The following NRG3 variants were observed in gnomAD, a reference collection of about 807,000 sequenced individuals.
NRG3 encodes neuregulin 3.
Under a neutral mutation model 66.9 loss-of-function variants are expected in NRG3, and 31 were observed. The ratio of observed to expected loss-of-function variants is 0.46; its 90% CI spans 0.35 to 0.63. The LOEUF (loss-of-function observed/expected upper bound fraction) is 0.63, where lower values mean the gene tolerates loss of function less well. Among genes scored for constraint, NRG3 ranks in the 20% least tolerant of loss-of-function variants. The pLI is 0.00. For missense variants in NRG3, 910 were observed against 878.9 expected (o/e 1.04, Z -0.45); for synonymous variants, 393 against 359.4 (o/e 1.09, Z -1.06).
Position 82,368,147 on chromosome 10 carries a change from T to G in NRG3, c.953+9279T>G, listed in dbSNP as rs984010654. Among the ~76,000 whole-genome samples the G allele has an allele frequency of 5.6e-5, 6 of 106,310 alleles. 1 individual carries two copies. Among genetic ancestry groups the G allele is most frequent in the Admixed American group, 1.7e-4 (2 of 11,882 alleles). 69.7% of individuals were successfully genotyped at this position (106,310 alleles called of 152,430 possible). A position where few individuals can be genotyped will look rare whatever the true frequency, so the allele number is the denominator to read the frequency against. On this transcript the variant is annotated intron_variant, in intron 2 of 8. Transcript: ENST00000372141. ...ATAGGTAAAGTTGAGATGCCTGGTA[T>G]TGAGTAAACACAGGGAATTTGGGGT...
intron 1 of NRG3, among the ~76,000 whole-genome samples, chr10:82,272,920 A>G (rs952953691): frequency 2.2e-4 from 34 of 152,182 alleles, no homozygotes; most frequent in Middle Eastern, 3.4e-3. Flanking sequence ...GTTTAAGGTT[A>G]TTAATTCGTT....
At chr10:82,790,327 C>A (rs1048857186) in intron 3 of NRG3, among the ~76,000 whole-genome samples, 3 of 151,976 alleles carry the variant, frequency 2.0e-5, no homozygotes, top group African/African-American at 7.2e-5. Context: ...ATAGACATAC[C>A]TTTACTTCTC....
In NRG3 at chr10:82,497,447, A is replaced by G. The variant is rs559134263; in HGVS notation, c.953+138579A>G. On this transcript the variant is annotated intron_variant, in intron 2 of 8. Coordinates refer to ENST00000372141, the MANE Select transcript of NRG3 (RefSeq NM_001010848.4). ...TCTTCAGCTTTTTTAGATTTCACGTATAAGTAAGATCATAAAATATTTGTC... is the reference window on the plus strand; with the variant it reads ...TCTTCAGCTTTTTTAGATTTCACGTGTAAGTAAGATCATAAAATATTTGTC... Among the ~76,000 whole-genome samples the G allele has an allele frequency of 5.9e-5, 9 of 152,282 alleles. No individual in the cohort carries two copies. In the South Asian group the frequency reaches 1.0e-3, roughly 18 times the overall value.
intron 1 of NRG3, among the ~76,000 whole-genome samples, chr10:82,334,223 G>A (rs1445099470): frequency 1.3e-5 from 2 of 151,952 alleles, no homozygotes; most frequent in African/African-American, 4.8e-5. Context: ...GGTCAGGGAT[G>A]TGTAAATAAG....
chr10:82,961,954 C>T (rs774633879), intron 6 of NRG3, among the ~76,000 whole-genome samples: 3 of 152,228 alleles, frequency 2.0e-5, no homozygotes, highest in Non-Finnish European at 4.4e-5. Context: ...CTCATGTTAA[C>T]TACTTGAAAT....
At chr10:81,908,626 AT>A (rs1176373101) in intron 1 of NRG3, among the ~76,000 whole-genome samples, 2 of 152,174 alleles carry the variant, frequency 1.3e-5, no homozygotes, top group Admixed American at 1.3e-4. Context: ...TTGATGTTTC[AT>A]GTTAAACCAC....
At chr10:82,641,165 T>C (rs2050553331) in intron 2 of NRG3, among the ~76,000 whole-genome samples, 1 of 151,836 alleles carries the variant, frequency 6.6e-6, no homozygotes, top group South Asian at 2.1e-4. Context: ...TGTCGTTTTT[T>C]AAGTAATGTA....
At chr10:82,513,469 C>T (rs768349125) in intron 2 of NRG3, among the ~76,000 whole-genome samples, 20 of 152,150 alleles carry the variant, frequency 1.3e-4, no homozygotes, top group Non-Finnish European at 2.5e-4. Flanking sequence ...TGGGTTTATA[C>T]AATAATAGGA....
rs1278241105 is a variant in NRG3 at position 82,760,646 on chromosome 10, T to C, written c.1027+21996T>C. On this transcript the variant is annotated intron_variant, in intron 3 of 8. Transcript: ENST00000372141. ...TGAAATAAAACTATATTATTCTGCATTACAGAGGCTATGGTTTTATCTACT... is the reference window on the plus strand; with the variant it reads ...TGAAATAAAACTATATTATTCTGCACTACAGAGGCTATGGTTTTATCTACT... Among the ~76,000 whole-genome samples the C allele has an allele frequency of 5.9e-5, 9 of 152,140 alleles. No individual in the cohort carries two copies. In the East Asian group the frequency reaches 1.2e-3, roughly 20 times the overall value.
intron 1 of NRG3, among the ~76,000 whole-genome samples, chr10:82,031,097 G>A (rs567542763): frequency 3.9e-5 from 6 of 152,186 alleles, no homozygotes; most frequent in Non-Finnish European, 7.4e-5. Flanking sequence ...TTCATTATCC[G>A]TAAAACATTT....
At chr10:82,693,403 A>G (rs2055103291) in intron 2 of NRG3, among the ~76,000 whole-genome samples, 1 of 152,124 alleles carries the variant, frequency 6.6e-6, no homozygotes, top group East Asian at 1.9e-4. Context: ...TTCCAACAAT[A>G]CTAGATTTTA....
intron 1 of NRG3, among the ~76,000 whole-genome samples, chr10:82,330,681 A>G (rs1209898787): frequency 6.6e-6 from 1 of 152,214 alleles, no homozygotes; most frequent in Non-Finnish European, 1.5e-5. Context: ...AGCGTTTTCC[A>G]TACTGTTTCC....
intron 2 of NRG3, among the ~76,000 whole-genome samples, chr10:82,569,820 T>C (rs1361665562): frequency 6.6e-6 from 1 of 151,628 alleles, no homozygotes; most frequent in East Asian, 1.9e-4. Flanking sequence ...CTCATATGAG[T>C]GATAAATCCA....
At chr10:82,123,869 A>C (rs2068253066) in intron 1 of NRG3, among the ~76,000 whole-genome samples, 1 of 150,042 alleles carries the variant, frequency 6.7e-6, no homozygotes, top group Non-Finnish European at 1.5e-5. Flanking sequence ...AATTGGCATT[A>C]GTTTCTTCCT....
chr10:82,847,125 C>T (rs2135799854), intron 3 of NRG3, among the ~76,000 whole-genome samples: 1 of 152,330 alleles, frequency 6.6e-6, no homozygotes, highest in Admixed American at 6.5e-5. Context: ...TGCAGGAAGG[C>T]TGCTCTGTCC....
chr10:82,952,471 C>CTCTCTCTCTG, intron 5 of NRG3, among the ~76,000 whole-genome samples: 1 of 98,842 alleles, frequency 1.0e-5, no homozygotes, highest in Non-Finnish European at 1.9e-5. Context: ...CTCTCTCTCT[C>CTCTCTCTCTG]TGTGTGTGTG....
chr10:82,164,580 A>T (rs2071886378), intron 1 of NRG3, among the ~76,000 whole-genome samples: 1 of 152,094 alleles, frequency 6.6e-6, no homozygotes, highest in African/African-American at 2.4e-5. Context: ...CTCTACCTCC[A>T]TGAATAACTC....
At chr10:82,683,116 G>A (rs1045081922) in intron 2 of NRG3, among the ~76,000 whole-genome samples, 2 of 151,718 alleles carry the variant, frequency 1.3e-5, no homozygotes, top group South Asian at 2.1e-4. Flanking sequence ...CCACCACCAC[G>A]CCCGGCTAAT....
intron 4 of NRG3, among the ~76,000 whole-genome samples, chr10:82,941,936 A>T (rs1226495890): frequency 6.6e-6 from 1 of 152,068 alleles, no homozygotes; most frequent in African/African-American, 2.4e-5. Flanking sequence ...TCTGATTTGC[A>T]TATCTTGAGT....
Sources: allele counts gnomAD v4.1 joint callset (sites outside exome capture counted in the v4.1 genomes callset), GRCh38; gene constraint gnomAD v4.1.1; transcripts MANE v1.5; gene names NCBI Gene and HGNC (gene_info 2026-07-23, HGNC 2026-07-21).